SRRM5: variants seen among roughly 807,000 people sequenced by gnomAD.
SRRM5 encodes the protein serine/arginine repetitive matrix 5.
A neutral mutation model predicts 1.3 loss-of-function variants in SRRM5; 1 was observed. The observed-to-expected ratio is 0.76, with a 90% CI of 0.27 to 3.59. SRRM5 has a LOEUF of 3.59. Among genes scored for constraint, SRRM5 ranks in the 30% most tolerant of loss-of-function variants. The pLI is 0.19. For synonymous variants in SRRM5, 275 were observed against 320.2 expected, an observed-to-expected ratio of 0.86 and a Z score of 1.51; for missense variants, 875 against 914.5, an observed-to-expected ratio of 0.96 and a Z score of 0.56.
Position 43,612,262 on chromosome 19 carries a change from C to A in SRRM5, c.141C>A (p.Thr47=). 1 of 1,551,692 alleles carries A rather than the reference C, an allele frequency of 6.4e-7. No individual in the cohort carries two copies. The highest frequency in any genetic ancestry group is 8.7e-7 in the Non-Finnish European group (1 of 1,146,994). ...CACCCAACAGATCCTTAGTGCCCAC[C>A]AAACCAGCGACATCCCGTAACTCAG... ...SATPNRSLVP[T]KPATSRNSVM... The change falls in exon 1 of 1, where the codon ACC becomes ACA. Residue 47 remains threonine, a synonymous_variant. Transcript: ENST00000417606. This position sits in a 1 kb window ranked among gnomAD's most constrained non-coding sequence, Gnocchi z 4.2.
chr19:43,613,472 C>T lies in SRRM5; in HGVS notation c.1351C>T (p.Arg451Ter), dbSNP rs1184172556. 12 of 1,544,936 alleles carry T rather than the reference C, an allele frequency of 7.8e-6. No individual in the cohort carries two copies. Among genetic ancestry groups the T allele is most frequent in the East Asian group, 2.5e-5 (1 of 40,804 alleles). ...TCCCTACAAGGCGAGAGATCGCAGC[C>T]GATCTAGAAGTCCCAACAAGGCAAG... Residue 451 changes from arginine to a stop codon, truncating the protein, a stop_gained, in exon 3 of 3, where the codon CGA (arginine) becomes TGA (stop). Coordinates refer to the SRRM5 transcript ENST00000607544. LOFTEE classifies it low-confidence loss of function (END_TRUNC).
Position 43,614,006 on chromosome 19 carries a change from C to G in SRRM5, c.1885C>G (p.His629Asp). 1 of 1,551,724 alleles carries G rather than the reference C, an allele frequency of 6.4e-7. No individual in the cohort carries two copies. Among genetic ancestry groups the G allele is most frequent in the Non-Finnish European group, 8.7e-7 (1 of 1,146,964 alleles). ...TAGAACCCCCAGCAAAGAAGGAAATCATAGCCAATCTAGAACCTCTAGCAA... is the reference window on the plus strand; with the variant it reads ...TAGAACCCCCAGCAAAGAAGGAAATGATAGCCAATCTAGAACCTCTAGCAA... ...RSRTPSKEGN[H>D]SQSRTSSKES... Residue 629 changes from histidine (H) to aspartate (D), a missense_variant, in exon 1 of 1, where the codon CAT (histidine) becomes GAT (aspartate). Physicochemically the swap from His to Asp is moderately conservative, Grantham distance 81. Transcript: ENST00000417606.
chr19:43,612,791 G>A lies in SRRM5; in HGVS notation c.670G>A (p.Gly224Arg). The change falls in exon 1 of 1, where the codon GGA becomes AGA. Residue 224 changes from glycine (G) to arginine (R), a missense_variant. Gly to Arg is a moderately radical substitution (Grantham distance 125). Coordinates refer to ENST00000417606, the MANE Select transcript of SRRM5 (RefSeq NM_001145641.2). This position sits in a 1 kb window ranked among gnomAD's most constrained non-coding sequence, Gnocchi z 4.2. ...TACAGCCAAGTGTCAAACCCCGACT[G>A]GAATTCCCTCCAAGGAGAAGAGTGA... is the stretch of plus-strand genomic sequence containing the variant. ...PSTAKCQTPT[G>R]IPSKEKSDNP... 1 of 1,551,580 alleles carries A rather than the reference G, an allele frequency of 6.4e-7. No homozygotes were observed. Among genetic ancestry groups the A allele is most frequent in the Non-Finnish European group, 8.7e-7 (1 of 1,146,962 alleles).
chr19:43,613,695 G>A lies in SRRM5; in HGVS notation c.1574G>A (p.Arg525Lys). The A allele has an allele frequency of 6.4e-7, 1 of 1,551,602 alleles. No individual in the cohort carries two copies. The part of the protein sequence containing the change: ...SSKERDHRRS[R>K]SPSKERQRRQ... The stretch of plus-strand genomic sequence containing the variant: ...AAAGAGAGAGATCACAGACGATCTA[G>A]AAGCCCCAGCAAGGAGAGACAGCGC... Residue 525 changes from arginine to lysine, a missense_variant, in exon 1 of 1, where the codon AGA becomes AAA. Coordinates refer to ENST00000417606, the MANE Select transcript of SRRM5 (RefSeq NM_001145641.2).
Position 43,612,718 on chromosome 19 carries a change from A to T in SRRM5, c.597A>T (p.Pro199=). The change falls in exon 1 of 1, where the codon CCA becomes CCT. Residue 199 remains proline, a synonymous_variant. Transcript: ENST00000417606. This position sits in a 1 kb window ranked among gnomAD's most constrained non-coding sequence, Gnocchi z 4.2. ...TGAGCAAGAAGAGTTACCGCCCACC[A>T]GGAGGCTCAGGTATAGGGAGGAGTT... ...RNLSKKSYRP[P]GGSGIGRSSE... The T allele has an allele frequency of 6.4e-7, 1 of 1,551,640 alleles. No homozygotes were observed. Among genetic ancestry groups the T allele is most frequent in the South Asian group, 1.2e-5 (1 of 84,058 alleles).
At position 43,613,242 on chromosome 19, in the gene SRRM5, A is replaced by T. The variant is rs1411243173; in HGVS notation, c.1121A>T (p.Glu374Val). ...SHSHSRSSSK[E>V]RDHRGSSSPR... The stretch of plus-strand genomic sequence containing the variant: ...AGCCATTCCAGAAGCTCCAGCAAAG[A>T]GAGAGATCACAGGGGATCTAGCAGC... Residue 374 changes from glutamate to valine, a missense_variant, in exon 1 of 1, where the codon GAG (glutamate) becomes GTG (valine). Transcript: ENST00000417606. The T allele has an allele frequency of 6.4e-7, 1 of 1,551,392 alleles. No individual in the cohort carries two copies. The highest frequency in any genetic ancestry group is 1.2e-5 in the South Asian group (1 of 84,070).
At position 43,613,002 on chromosome 19, in the gene SRRM5, G is replaced by C; in HGVS notation, c.881G>C (p.Ser294Thr). The C allele has an allele frequency of 6.4e-7, 1 of 1,551,726 alleles. No individual in the cohort carries two copies. Among genetic ancestry groups the C allele is most frequent in the Non-Finnish European group, 8.7e-7 (1 of 1,146,990 alleles). Reference protein sequence around the residue: ...SRSPRRSRSGSQKRTHSRVRS... With the variant: ...SRSPRRSRSGTQKRTHSRVRS... ...AGCCCCAGAAGGTCAAGAAGTGGCA[G>C]TCAGAAGAGGACGCACAGCAGAGTG... Residue 294 changes from serine (S) to threonine (T), a missense_variant, in exon 1 of 1, where the codon AGT (serine) becomes ACT (threonine). Ser to Thr is a moderately conservative substitution (Grantham distance 58). Transcript: ENST00000417606.
In SRRM5 at chr19:43,613,217, A is replaced by G. The variant is rs773847224; in HGVS notation, c.1096A>G (p.Ser366Gly). Residue 366 changes from serine to glycine, a missense_variant, in exon 1 of 1, where the codon AGC (serine) becomes GGC (glycine). Coordinates refer to ENST00000417606, the MANE Select transcript of SRRM5 (RefSeq NM_001145641.2). The stretch of plus-strand genomic sequence containing the variant: ...AAACCCCAGCAAGGAAAGAAGTCAT[A>G]GCCATTCCAGAAGCTCCAGCAAAGA... ...SRNPSKERSH[S>G]HSRSSSKERD... 8 of 1,551,732 alleles carry G rather than the reference A, an allele frequency of 5.2e-6. No homozygotes were observed. Among genetic ancestry groups the G allele is most frequent in the Non-Finnish European group, 7.0e-6 (8 of 1,146,996 alleles).
At position 43,612,588 on chromosome 19, in the gene SRRM5, G is replaced by C; in HGVS notation, c.467G>C (p.Ser156Thr). ...CATGGTGCCAGACCAGGCATGGCCA[G>C]CAGGGTGAGAACTCCCACTTCACAG... Reference protein sequence around the residue: ...RTHGARPGMASRVRTPTSQQK... With the variant: ...RTHGARPGMATRVRTPTSQQK... Residue 156 changes from serine (S) to threonine (T), a missense_variant, in exon 1 of 1, where the codon AGC becomes ACC. Ser to Thr is a moderately conservative substitution (Grantham distance 58). Coordinates refer to ENST00000417606, the MANE Select transcript of SRRM5 (RefSeq NM_001145641.2). This position sits in a 1 kb window ranked among gnomAD's most constrained non-coding sequence, Gnocchi z 4.2. The C allele has an allele frequency of 6.4e-7, 1 of 1,551,638 alleles. No homozygotes were observed. Among genetic ancestry groups the C allele is most frequent in the South Asian group, 1.2e-5 (1 of 84,056 alleles).
Position 43,613,320 on chromosome 19 carries a change from A to T in SRRM5, c.1199A>T (p.Asp400Val). ...SQSGSPNKQR[D>V]HSRSRSPNKA... ...TCAGGAAGCCCCAACAAGCAGAGAG[A>T]TCACAGCCGATCTAGAAGTCCCAAC... The change falls in exon 1 of 1, where the codon GAT becomes GTT. Residue 400 changes from aspartate to valine, a missense_variant. Physicochemically the swap from Asp to Val is radical, Grantham distance 152. Coordinates refer to ENST00000417606, the MANE Select transcript of SRRM5 (RefSeq NM_001145641.2). 6.4e-7 allele frequency: 1 copy of T among 1,551,440 alleles called. No individual in the cohort carries two copies. The highest frequency in any genetic ancestry group is 8.7e-7 in the Non-Finnish European group (1 of 1,146,950).
In SRRM5 at chr19:43,612,794, A is replaced by C; in HGVS notation, c.673A>C (p.Ile225Leu). 3 of 1,551,636 alleles carry C rather than the reference A, an allele frequency of 1.9e-6. No individual in the cohort carries two copies. Among genetic ancestry groups the C allele is most frequent in the Non-Finnish European group, 2.6e-6 (3 of 1,146,964 alleles). ...STAKCQTPTG[I>L]PSKEKSDNPS... is the part of the protein sequence containing the mutation. The stretch of plus-strand genomic sequence containing the variant: ...AGCCAAGTGTCAAACCCCGACTGGA[A>C]TTCCCTCCAAGGAGAAGAGTGACAA... The change falls in exon 1 of 1, where the codon ATT becomes CTT. Residue 225 changes from isoleucine (I) to leucine (L), a missense_variant. Physicochemically the swap from Ile to Leu is conservative, Grantham distance 5. Coordinates refer to ENST00000417606, the MANE Select transcript of SRRM5 (RefSeq NM_001145641.2). This position sits in a 1 kb window ranked among gnomAD's most constrained non-coding sequence, Gnocchi z 4.2.
Position 43,612,457 on chromosome 19 carries a change from C to T in SRRM5, c.336C>T (p.His112=). The T allele has an allele frequency of 1.3e-6, 2 of 1,551,458 alleles. No individual in the cohort carries two copies. Among genetic ancestry groups the T allele is most frequent in the Non-Finnish European group, 1.7e-6 (2 of 1,146,948 alleles). ...KASKASDVRC[H]QRRGTHSRGR... ...GCAAGGCCAGCGACGTGAGATGCCA[C>T]CAGCGGAGGGGCACACACAGCCGGG... Residue 112 remains histidine, a synonymous_variant, in exon 1 of 1, where the codon CAC becomes CAT. Coordinates refer to ENST00000417606, the MANE Select transcript of SRRM5 (RefSeq NM_001145641.2). The surrounding 1 kb of genome is among the most constrained non-coding windows in gnomAD (Gnocchi z 4.2).
rs921594809 is a variant in SRRM5, at chr19:43,614,364, G to A, written c.*95G>A. ...AGCAGCTGAGCAGCGTCCCTCCCCG[G>A]CCAGCTCTCCACAGCCACACCTCCG... On this transcript the variant is annotated 3_prime_UTR_variant, in exon 1 of 1. Coordinates refer to ENST00000417606, the MANE Select transcript of SRRM5 (RefSeq NM_001145641.2). 3.3e-5 allele frequency: 51 copies of A among 1,535,896 alleles called. No homozygotes were observed. The highest frequency in any genetic ancestry group is 4.1e-5 in the Non-Finnish European group (47 of 1,145,398).
Position 43,613,100 on chromosome 19 carries a change from G to A in SRRM5, c.979G>A (p.Gly327Arg). ...CCGGAAGGGAATTCTGAGCCAGATGGGAAGACACAGCCAGTCTAGAAGCCA... is the reference window on the plus strand; with the variant it reads ...CCGGAAGGGAATTCTGAGCCAGATGAGAAGACACAGCCAGTCTAGAAGCCA... Reference protein sequence around the residue: ...RTRKGILSQMGRHSQSRSHSK... With the variant: ...RTRKGILSQMRRHSQSRSHSK... Residue 327 changes from glycine (G) to arginine (R), a missense_variant, in exon 1 of 1, where the codon GGA (glycine) becomes AGA (arginine). Physicochemically the swap from Gly to Arg is moderately radical, Grantham distance 125. Coordinates refer to ENST00000417606, the MANE Select transcript of SRRM5 (RefSeq NM_001145641.2). 2 of 1,551,542 alleles carry A rather than the reference G, an allele frequency of 1.3e-6. No individual in the cohort carries two copies. The highest frequency in any genetic ancestry group is 1.7e-6 in the Non-Finnish European group (2 of 1,146,984).
rs1254367102 is a variant in SRRM5 at position 43,613,098 on chromosome 19, T to C, written c.977T>C (p.Met326Thr). 16 of 1,551,324 alleles carry C rather than the reference T, an allele frequency of 1.0e-5. No homozygotes were observed. In the East Asian group the frequency reaches 3.2e-4, roughly 31 times the overall value. ...ACCCGGAAGGGAATTCTGAGCCAGA[T>C]GGGAAGACACAGCCAGTCTAGAAGC... ...SRTRKGILSQ[M>T]GRHSQSRSHS... The change falls in exon 1 of 1, where the codon ATG (methionine) becomes ACG (threonine). Residue 326 changes from methionine to threonine, a missense_variant. Physicochemically the swap from Met to Thr is moderately conservative, Grantham distance 81. Transcript: ENST00000417606.
chr19:43,613,257 G>A lies in SRRM5; in HGVS notation c.1136G>A (p.Gly379Glu). 6.4e-7 allele frequency: 1 copy of A among 1,551,554 alleles called. No individual in the cohort carries two copies. Among genetic ancestry groups the A allele is most frequent in the Non-Finnish European group, 8.7e-7 (1 of 1,146,962 alleles). ...TCCAGCAAAGAGAGAGATCACAGGGGATCTAGCAGCCCCAGGAAGGAGAGT... is the reference window on the plus strand; with the variant it reads ...TCCAGCAAAGAGAGAGATCACAGGGAATCTAGCAGCCCCAGGAAGGAGAGT... The part of the protein sequence containing the change: ...RSSSKERDHR[G>E]SSSPRKESGR... The change falls in exon 1 of 1, where the codon GGA becomes GAA. Residue 379 changes from glycine (G) to glutamate (E), a missense_variant. Coordinates refer to ENST00000417606, the MANE Select transcript of SRRM5 (RefSeq NM_001145641.2).
chr19:43,614,294 G>A lies in SRRM5; in HGVS notation c.*25G>A. 1 of 1,609,354 alleles carries A rather than the reference G, an allele frequency of 6.2e-7. No individual in the cohort carries two copies. Among genetic ancestry groups the A allele is most frequent in the African/African-American group, 1.3e-5 (1 of 74,968 alleles). On this transcript the variant is annotated 3_prime_UTR_variant, in exon 1 of 1. Transcript: ENST00000417606. The stretch of plus-strand genomic sequence containing the variant: ...GCCCCCAGTCTCAGCTGGCTCACGG[G>A]TCTCTGTCATGACCGGGGGAGGGGA...
chr19:43,612,786 C>G lies in SRRM5; in HGVS notation c.665C>G (p.Pro222Arg), dbSNP rs1049609045. Residue 222 changes from proline (P) to arginine (R), a missense_variant, in exon 1 of 1, where the codon CCG (proline) becomes CGG (arginine). Coordinates refer to ENST00000417606, the MANE Select transcript of SRRM5 (RefSeq NM_001145641.2). This position sits in a 1 kb window ranked among gnomAD's most constrained non-coding sequence, Gnocchi z 4.2. ...CCCAGTACAGCCAAGTGTCAAACCCCGACTGGAATTCCCTCCAAGGAGAAG... is the reference window on the plus strand; with the variant it reads ...CCCAGTACAGCCAAGTGTCAAACCCGGACTGGAATTCCCTCCAAGGAGAAG... ...VTPSTAKCQT[P>R]TGIPSKEKSD... 6.4e-7 allele frequency: 1 copy of G among 1,551,484 alleles called. No homozygotes were observed. The highest frequency in any genetic ancestry group is 8.7e-7 in the Non-Finnish European group (1 of 1,146,964).
Position 43,613,427 on chromosome 19 carries a change from G to T in SRRM5, c.1306G>T (p.Asp436Tyr). The T allele has an allele frequency of 2.0e-6, 3 of 1,528,630 alleles. No homozygotes were observed. Among genetic ancestry groups the T allele is most frequent in the Non-Finnish European group, 2.7e-6 (3 of 1,131,190 alleles). 94.7% of individuals were successfully genotyped at this position (1,528,630 alleles called of 1,614,324 possible). The change falls in exon 1 of 1, where the codon GAT becomes TAT. Residue 436 changes from aspartate (D) to tyrosine (Y), a missense_variant. Coordinates refer to ENST00000417606, the MANE Select transcript of SRRM5 (RefSeq NM_001145641.2). ...SRSRSPNKARDCSRSRSPYKA... is the reference protein window; with the variant it reads ...SRSRSPNKARYCSRSRSPYKA... ...ATCTAGAAGTCCCAACAAGGCGAGA[G>T]ATTGCAGCCGATCTAGAAGTCCCTA...
Sources: allele counts gnomAD v4.1 joint callset, GRCh38; gene constraint gnomAD v4.1.1; non-coding constraint Gnocchi (gnomAD v3.1); transcripts MANE v1.5; gene names NCBI Gene and HGNC (gene_info 2026-07-23, HGNC 2026-07-21).